Variants in PDE11A observed in about 807,000 individuals in gnomAD.
The protein encoded by PDE11A is phosphodiesterase 11A.
In PDE11A, 100 loss-of-function variants were observed where a neutral mutation model predicts 100.5. The observed-to-expected ratio is 1.00, with a 90% confidence interval of 0.85 to 1.18. PDE11A has a LOEUF of 1.18. PDE11A is among the 50% of genes most tolerant of loss of function. The probability of loss-of-function intolerance (pLI) is 0.00; values close to 1 mark genes in which losing one functional copy is unlikely to be tolerated. For synonymous variants in PDE11A, 381 were observed against 420.8 expected (o/e 0.91, Z 1.16); for missense variants, 1,141 against 1,152.6 (o/e 0.99, Z 0.15).
intron 2 of PDE11A, among the ~76,000 whole-genome samples, chr2:177,935,820 G>T (rs1272140308): frequency 6.6e-6 from 1 of 152,168 alleles, no homozygotes; most frequent in Non-Finnish European, 1.5e-5. Flanking sequence ...TCAGCCAAAA[G>T]GGAGTAATAG....
At chr2:178,026,128 C>A (rs928113453) in intron 1 of PDE11A, among the ~76,000 whole-genome samples, 1 of 152,184 alleles carries the variant, frequency 6.6e-6, no homozygotes, top group African/African-American at 2.4e-5. Context: ...CTACCTCCAA[C>A]AGAGAGCTTT....
intron 9 of PDE11A, among the ~76,000 whole-genome samples, chr2:177,805,990 A>T (rs1478159765): frequency 6.6e-6 from 1 of 152,226 alleles, no homozygotes; most frequent in Non-Finnish European, 1.5e-5. Context: ...ATCTGGGACC[A>T]ATTGGTTACA....
intron 5 of PDE11A, among the ~76,000 whole-genome samples, chr2:177,859,095 G>A (rs945511666): frequency 7.9e-5 from 12 of 152,146 alleles, no homozygotes; most frequent in East Asian, 1.9e-4. Flanking sequence ...AGGGCCTGTC[G>A]TGGGGTGGGG....
At chr2:177,752,126 G>A (rs1054100498) in intron 10 of PDE11A, among the ~76,000 whole-genome samples, 2 of 152,132 alleles carry the variant, frequency 1.3e-5, no homozygotes, top group Non-Finnish European at 2.9e-5. Context: ...GAGAGCTCAG[G>A]TTTTTCATCC....
chr2:177,999,747 A>G (rs766196842), intron 2 of PDE11A, among the ~76,000 whole-genome samples: 1 of 152,196 alleles, frequency 6.6e-6, no homozygotes, highest in African/African-American at 2.4e-5. Flanking sequence ...GATGGTGTCA[A>G]TTAATTCTTG....
intron 10 of PDE11A, among the ~76,000 whole-genome samples, chr2:177,751,831 A>G (rs1316075650): frequency 6.6e-6 from 1 of 152,214 alleles, no homozygotes; most frequent in Non-Finnish European, 1.5e-5. Context: ...AGCATCTACA[A>G]TGTGCTAGGA....
At chr2:177,839,772 A>G (rs1377077822) in intron 6 of PDE11A, among the ~76,000 whole-genome samples, 1 of 152,244 alleles carries the variant, frequency 6.6e-6, no homozygotes, top group East Asian at 1.9e-4. Context: ...ACATAGAGAC[A>G]TTATCAGTTC....
chr2:178,051,373 G>C (rs1322110428), intron 1 of PDE11A, among the ~76,000 whole-genome samples: 1 of 152,122 alleles, frequency 6.6e-6, no homozygotes, highest in African/African-American at 2.4e-5. Context: ...ATATGGAAAG[G>C]AACAACTGGT....
intron 5 of PDE11A, among the ~76,000 whole-genome samples, chr2:177,875,285 G>A (rs1163367452): frequency 7.9e-5 from 12 of 152,030 alleles, no homozygotes; most frequent in African/African-American, 2.9e-4. Flanking sequence ...GGAAGCTAAA[G>A]GCAACATTTT....
intron 5 of PDE11A, among the ~76,000 whole-genome samples, chr2:177,865,831 G>T (rs1156709484): frequency 6.6e-6 from 1 of 152,166 alleles, no homozygotes; most frequent in Admixed American, 6.5e-5. Context: ...TAGATTAGCA[G>T]TTGCTAGGGC....
At chr2:178,084,571 G>C (rs553980512) in intron 2 of PDE11A, among the ~76,000 whole-genome samples, 27 of 152,302 alleles carry the variant, frequency 1.8e-4, no homozygotes, top group African/African-American at 6.5e-4. Context: ...CATGGGAGCA[G>C]GCAGGCTGCA....
At chr2:177,696,143 A>T (rs1353505080) in intron 15 of PDE11A, among the ~76,000 whole-genome samples, 1 of 152,200 alleles carries the variant, frequency 6.6e-6, no homozygotes, top group Non-Finnish European at 1.5e-5. Flanking sequence ...TGAAAGTCAA[A>T]CCAAGTTTAG....
intron 2 of PDE11A, among the ~76,000 whole-genome samples, chr2:178,089,614 C>T (rs2087397082): frequency 6.6e-6 from 1 of 152,178 alleles, no homozygotes; most frequent in Non-Finnish European, 1.5e-5. Context: ...TAAAACTGCA[C>T]TAAGTGGATC....
chr2:177,980,623 T>A (rs892773751), intron 2 of PDE11A, among the ~76,000 whole-genome samples: 7 of 150,790 alleles, frequency 4.6e-5, no homozygotes, highest in Non-Finnish European at 7.4e-5. Context: ...ATTGGTTGGA[T>A]TTTTTAAAAG....
At chr2:177,845,165 G>A (rs1319355584) in intron 5 of PDE11A, among the ~76,000 whole-genome samples, 3 of 150,780 alleles carry the variant, frequency 2.0e-5, no homozygotes, top group Non-Finnish European at 3.0e-5. Context: ...GCCGGGCGGG[G>A]GGCTGACCCC....
At chr2:177,656,333 G>C (rs1315178649) in intron 19 of PDE11A, among the ~76,000 whole-genome samples, 1 of 152,214 alleles carries the variant, frequency 6.6e-6, no homozygotes, top group Non-Finnish European at 1.5e-5. Context: ...ATGCTGTACA[G>C]GTTTGTAGCC....
At chr2:177,683,072 G>A (rs1341265236) in intron 15 of PDE11A, among the ~76,000 whole-genome samples, 1 of 152,184 alleles carries the variant, frequency 6.6e-6, no homozygotes, top group Non-Finnish European at 1.5e-5. Context: ...CTCTGTGTCT[G>A]GCCTGGGGTG....
intron 14 of PDE11A, among the ~76,000 whole-genome samples, chr2:177,699,182 T>G (rs368687060): frequency 6.6e-6 from 1 of 152,354 alleles, no homozygotes; most frequent in African/African-American, 2.4e-5. Flanking sequence ...TACAGCCTAC[T>G]GCATACCTAG....
intron 4 of PDE11A, among the ~76,000 whole-genome samples, chr2:177,886,400 C>T (rs2084429827): frequency 6.6e-6 from 1 of 152,132 alleles, no homozygotes; most frequent in African/African-American, 2.4e-5. Context: ...TTTTTGGCAT[C>T]CATTCAGTAA....
Sources: allele counts gnomAD v4.1 joint callset (sites outside exome capture counted in the v4.1 genomes callset), GRCh38; gene constraint gnomAD v4.1.1; transcripts MANE v1.5; gene names NCBI Gene and HGNC (gene_info 2026-07-23, HGNC 2026-07-21).